The following SLC16A12 variants were observed in gnomAD, a reference collection of about 807,000 sequenced individuals.
SLC16A12 encodes the protein solute carrier family 16 member 12.
In SLC16A12, 17 loss-of-function variants were observed where a neutral mutation model predicts 42.4. The observed-to-expected ratio is 0.40, with a 90% CI of 0.27 to 0.60. SLC16A12 has a LOEUF of 0.60. Among genes scored for constraint, SLC16A12 ranks in the 20% least tolerant of loss-of-function variants. The pLI is 0.42. For synonymous variants in SLC16A12, 224 were observed against 229.4 expected (o/e 0.98, Z 0.21); for missense variants, 544 against 623.0 (o/e 0.87, Z 1.35).
chr10:89,524,570 C>A (rs1398872523), intron 2 of SLC16A12, among the ~76,000 whole-genome samples: 1 of 152,216 alleles, frequency 6.6e-6, no homozygotes, highest in Non-Finnish European at 1.5e-5. Context: ...TTTGACCAAC[C>A]TCAGCAACGT....
At chr10:89,461,772 C>G (rs568706184) in intron 3 of SLC16A12, among the ~76,000 whole-genome samples, 102 of 152,344 alleles carry the variant, frequency 6.7e-4, no homozygotes, top group African/African-American at 2.3e-3. Flanking sequence ...TTACCCTCCC[C>G]TGGAGCTATG....
chr10:89,441,115 A>G lies in SLC16A12; in HGVS notation c.441T>C (p.Val147=), dbSNP rs1841901595. 6.2e-7 allele frequency: 1 copy of G among 1,613,800 alleles called. No homozygotes were observed. Among genetic ancestry groups the G allele is most frequent in the African/African-American group, 1.3e-5 (1 of 74,912 alleles). ...SLKHLYLTLG[V]LTGLGFALCY... is the part of the protein sequence containing the mutation. ...GGTACAAAGTGCCCTTACCTGTAAG[A>G]ACTCCCAGAGTGAGGTAGAGATGCT... The change falls in exon 5 of 8, where the codon GTT becomes GTC. Residue 147 remains valine (V), a synonymous_variant. Transcript: ENST00000371790.
intron 4 of SLC16A12, among the ~76,000 whole-genome samples, chr10:89,442,792 A>AT (rs1245830681): frequency 2.6e-5 from 4 of 152,048 alleles, no homozygotes; most frequent in Admixed American, 6.6e-5. Context: ...GAGTAAATGA[A>AT]TTTTTTTTCC....
intron 2 of SLC16A12, among the ~76,000 whole-genome samples, chr10:89,473,810 G>A (rs574493161): frequency 8.5e-5 from 13 of 152,116 alleles, no homozygotes; most frequent in Non-Finnish European, 1.5e-4. Flanking sequence ...AGAAGCAAGA[G>A]GGAAACACAC....
chr10:89,526,760 C>T (rs1272920887), intron 2 of SLC16A12, among the ~76,000 whole-genome samples: 1 of 152,174 alleles, frequency 6.6e-6, no homozygotes, highest in African/African-American at 2.4e-5. Context: ...ATCGGTCCGC[C>T]ACCCATTGCC....
chr10:89,488,036 T>A (rs1313271946), intron 2 of SLC16A12, among the ~76,000 whole-genome samples: 1 of 146,660 alleles, frequency 6.8e-6, no homozygotes, highest in Non-Finnish European at 1.5e-5. Flanking sequence ...ATATATTAAA[T>A]ATATATGTGT....
At chr10:89,543,576 C>T (rs1460187811) in intron 2 of SLC16A12, among the ~76,000 whole-genome samples, 5 of 152,114 alleles carry the variant, frequency 3.3e-5, no homozygotes, top group Non-Finnish European at 7.3e-5. Context: ...TACCTGTAAA[C>T]CCAGCACTTT....
intron 2 of SLC16A12, among the ~76,000 whole-genome samples, chr10:89,554,119 G>GGAAGGAAGGAAGGAAA (rs1843792998): frequency 2.8e-5 from 4 of 141,514 alleles, no homozygotes; most frequent in African/African-American, 8.1e-5. Flanking sequence ...AAGGAAGGAA[G>GGAAGGAAGGAAGGAAA]GAAGGAAGGA....
chr10:89,512,343 G>A (rs1487694355), intron 2 of SLC16A12, among the ~76,000 whole-genome samples: 2 of 152,162 alleles, frequency 1.3e-5, no homozygotes, highest in Admixed American at 1.3e-4. Flanking sequence ...AATCTTGTAG[G>A]TGATGTTTCT....
At position 89,438,973 on chromosome 10, in the gene SLC16A12, C is replaced by T. The variant is rs1378610251; in HGVS notation, c.659G>A (p.Cys220Tyr). The stretch of plus-strand genomic sequence containing the variant: ...AGTAATTGGCCTCATCAAGGCACCA[C>T]ATACACAGAGATTCAAGACAAAGCC... ...LGGFVLNLCV[C>Y]GALMRPITLK... The change falls in exon 6 of 8, where the codon TGT becomes TAT. Residue 220 changes from cysteine (C) to tyrosine (Y), a missense_variant. Physicochemically the swap from Cys to Tyr is radical, Grantham distance 194 (BLOSUM62 -2). Coordinates refer to ENST00000371790, the MANE Select transcript of SLC16A12 (RefSeq NM_213606.4). The T allele has an allele frequency of 6.2e-7, 1 of 1,614,146 alleles. No homozygotes were observed. The highest frequency in any genetic ancestry group is 1.3e-5 in the African/African-American group (1 of 75,036).
At position 89,438,805 on chromosome 10, in the gene SLC16A12, CTG is replaced by C. The variant is rs1841849889; in HGVS notation, c.825_826del (p.Tyr275Ter). ...AACAAAGTCTGACATGAGTAAAAAA[CTG>C]TACTCTTGCTGCAAACAGCAACAGA... On this transcript the variant is annotated stop_gained and frameshift_variant, in exon 6 of 8. Transcript: ENST00000371790. LOFTEE classifies it high-confidence loss of function. The C allele has an allele frequency of 6.2e-7, 1 of 1,614,058 alleles. No homozygotes were observed. Among genetic ancestry groups the C allele is most frequent in the African/African-American group, 1.3e-5 (1 of 74,926 alleles).
At chr10:89,497,773 A>G (rs776227841) in intron 2 of SLC16A12, among the ~76,000 whole-genome samples, 6 of 152,048 alleles carry the variant, frequency 3.9e-5, no homozygotes, top group Non-Finnish European at 8.8e-5. Flanking sequence ...CATTAAGGCC[A>G]AGTCGATCTT....
At chr10:89,454,765 C>T (rs1185029483) in intron 3 of SLC16A12, among the ~76,000 whole-genome samples, 4 of 152,000 alleles carry the variant, frequency 2.6e-5, no homozygotes, top group African/African-American at 7.3e-5. Flanking sequence ...TCCACTCTTA[C>T]GTGTTTCAAC....
intron 2 of SLC16A12, among the ~76,000 whole-genome samples, chr10:89,520,166 A>AT (rs1843330047): frequency 6.6e-6 from 1 of 152,158 alleles, no homozygotes; most frequent in Non-Finnish European, 1.5e-5. Flanking sequence ...TAGCACTACA[A>AT]GTATATCATT....
At chr10:89,501,587 C>T (rs1312774538) in intron 2 of SLC16A12, among the ~76,000 whole-genome samples, 2 of 152,084 alleles carry the variant, frequency 1.3e-5, no homozygotes, top group Non-Finnish European at 2.9e-5. Context: ...CCCATCTATA[C>T]TAAAAATACA....
chr10:89,509,232 C>T (rs1843123129), intron 2 of SLC16A12, among the ~76,000 whole-genome samples: 1 of 152,180 alleles, frequency 6.6e-6, no homozygotes, highest in Admixed American at 6.5e-5. Flanking sequence ...GGAATCCTCC[C>T]TTACTCATTT....
Position 89,475,540 on chromosome 10 carries a change from A to G in SLC16A12, c.-46-12916T>C, listed in dbSNP as rs76013876. 2.8e-3 allele frequency among the ~76,000 whole-genome samples: 432 copies of G among 152,340 alleles called. 2 individuals are homozygous for G. The highest frequency in any genetic ancestry group is 9.4e-3 in the African/African-American group (392 of 41,582). On this transcript the variant is annotated intron_variant, in intron 2 of 7. Coordinates refer to ENST00000371790, the MANE Select transcript of SLC16A12 (RefSeq NM_213606.4). Reference sequence around the variant, plus strand: ...TGAGACAATACATATATAATGTTCTAGGTGAAGAGAGACTAAGACTGCTTT... The same window carrying G: ...TGAGACAATACATATATAATGTTCTGGGTGAAGAGAGACTAAGACTGCTTT...
intron 2 of SLC16A12, among the ~76,000 whole-genome samples, chr10:89,547,865 G>C (rs1417845463): frequency 6.7e-6 from 1 of 149,652 alleles, no homozygotes; most frequent in Admixed American, 6.8e-5. Context: ...GCATGTGCCT[G>C]TAATCCCAGG....
At chr10:89,434,970 T>C (rs1841755211) in intron 7 of SLC16A12, among the ~76,000 whole-genome samples, 1 of 152,216 alleles carries the variant, frequency 6.6e-6, no homozygotes, top group Admixed American at 6.5e-5. Flanking sequence ...GAGAAACAGC[T>C]TCTGACCTGT....
Sources: allele counts gnomAD v4.1 joint callset (sites outside exome capture counted in the v4.1 genomes callset), GRCh38; gene constraint gnomAD v4.1.1; transcripts MANE v1.5; gene names NCBI Gene and HGNC (gene_info 2026-07-23, HGNC 2026-07-21).